The following CNTN5 variants were observed in gnomAD, a reference collection of about 807,000 sequenced individuals.
CNTN5 encodes the protein contactin-5.
In CNTN5, 77 loss-of-function variants were observed where a neutral mutation model predicts 129.1. That is an observed-to-expected ratio of 0.60 (90% CI 0.50 to 0.72). CNTN5 has a LOEUF of 0.72. CNTN5 is among the 30% of genes least tolerant of loss of function. The probability of loss-of-function intolerance (pLI) is 0.00; values close to 1 mark genes in which losing one functional copy is unlikely to be tolerated. For missense variants in CNTN5, 1,478 were observed against 1,328.8 expected (o/e 1.11, Z -1.75); for synonymous variants, 509 against 465.6 (o/e 1.09, Z -1.20).
chr11:100,039,332 A>G (rs1010473921), intron 9 of CNTN5, among the ~76,000 whole-genome samples: 1 of 152,336 alleles, frequency 6.6e-6, no homozygotes, highest in African/African-American at 2.4e-5. Flanking sequence ...TTCTGCCCAG[A>G]GATCAGCTGT....
chr11:99,846,611 C>T (rs1280766026), intron 6 of CNTN5, among the ~76,000 whole-genome samples: 5 of 151,850 alleles, frequency 3.3e-5, no homozygotes, highest in African/African-American at 1.2e-4. Flanking sequence ...ATTGTAGTGG[C>T]TACATAAGAG....
chr11:99,853,851 G>A (rs1947951721), intron 6 of CNTN5, among the ~76,000 whole-genome samples: 1 of 151,956 alleles, frequency 6.6e-6, no homozygotes, highest in African/African-American at 2.4e-5. Flanking sequence ...AAAAAATGAA[G>A]CTGAGGGAAG....
intron 2 of CNTN5, among the ~76,000 whole-genome samples, chr11:99,505,932 C>T (rs941986735): frequency 3.3e-5 from 5 of 152,160 alleles, no homozygotes; most frequent in Non-Finnish European, 5.9e-5. Flanking sequence ...TTGCCAATTC[C>T]GAACTCTGTG....
At chr11:100,049,379 G>A (rs1259789456) in intron 9 of CNTN5, among the ~76,000 whole-genome samples, 1 of 151,726 alleles carries the variant, frequency 6.6e-6, no homozygotes, top group South Asian at 2.1e-4. Flanking sequence ...AAAACAAAAG[G>A]CTGTATTAAA....
At chr11:99,425,315 G>A (rs1316618689) in intron 2 of CNTN5, among the ~76,000 whole-genome samples, 1 of 152,310 alleles carries the variant, frequency 6.6e-6, no homozygotes, top group East Asian at 1.9e-4. Flanking sequence ...GGCTGTTTTT[G>A]TTTTGGAGGT....
At chr11:100,216,516 T>C (rs550315720) in intron 15 of CNTN5, among the ~76,000 whole-genome samples, 1 of 152,140 alleles carries the variant, frequency 6.6e-6, no homozygotes, top group Non-Finnish European at 1.5e-5. Context: ...TATTATAAAT[T>C]ACACATGACT....
chr11:99,047,155 A>G (rs1864245296), intron 1 of CNTN5, among the ~76,000 whole-genome samples: 1 of 152,040 alleles, frequency 6.6e-6, no homozygotes, highest in African/African-American at 2.4e-5. Context: ...AACCAAAACA[A>G]GAAGAATATG....
chr11:100,130,084 A>C (rs909120702), intron 13 of CNTN5, among the ~76,000 whole-genome samples: 5 of 152,178 alleles, frequency 3.3e-5, no homozygotes, highest in Non-Finnish European at 5.9e-5. Context: ...CTCTGTTCTC[A>C]GAAAAAAAGA....
At chr11:99,532,906 T>C (rs559102939) in intron 2 of CNTN5, among the ~76,000 whole-genome samples, 20 of 152,318 alleles carry the variant, frequency 1.3e-4, no homozygotes, top group Non-Finnish European at 2.8e-4. Context: ...GACAATCCAG[T>C]TGATAGATTG....
intron 2 of CNTN5, among the ~76,000 whole-genome samples, chr11:99,459,868 GA>G (rs1944629500): frequency 6.6e-6 from 1 of 151,958 alleles, no homozygotes; most frequent in Admixed American, 6.6e-5. Context: ...GGCAATTAAA[GA>G]AGTAAAAGAA....
At chr11:99,335,378 G>A (rs1314777828) in intron 2 of CNTN5, among the ~76,000 whole-genome samples, 12 of 151,968 alleles carry the variant, frequency 7.9e-5, no homozygotes. Flanking sequence ...CCTATATGGT[G>A]CCCATGCTAA....
intron 8 of CNTN5, among the ~76,000 whole-genome samples, chr11:99,998,900 TG>T (rs1363517820): frequency 6.7e-6 from 1 of 150,316 alleles, no homozygotes; most frequent in Non-Finnish European, 1.5e-5. Context: ...AAACAAGCAA[TG>T]GGGAAAGGAT....
chr11:100,177,138 G>T (rs1353692734), intron 13 of CNTN5, among the ~76,000 whole-genome samples: 2 of 152,010 alleles, frequency 1.3e-5, no homozygotes, highest in African/African-American at 4.8e-5. Context: ...GCAAAGACTA[G>T]AGTTCAGAAA....
chr11:100,094,747 AGGAG>A (rs1243925162), intron 13 of CNTN5, among the ~76,000 whole-genome samples: 4 of 141,810 alleles, frequency 2.8e-5, no homozygotes, highest in Non-Finnish European at 6.2e-5. Context: ...GGAAAGAAGA[AGGAG>A]GGAGGGAGGG....
chr11:99,060,265 T>C (rs764441474), intron 1 of CNTN5, among the ~76,000 whole-genome samples: 1 of 151,878 alleles, frequency 6.6e-6, no homozygotes, highest in Non-Finnish European at 1.5e-5. Context: ...TATCAGAAAA[T>C]CTCAATACCG....
At chr11:100,010,495 C>T (rs866972275) in intron 9 of CNTN5, among the ~76,000 whole-genome samples, 1 of 152,026 alleles carries the variant, frequency 6.6e-6, no homozygotes, top group Non-Finnish European at 1.5e-5. Context: ...TGCTGAGGTG[C>T]CATTCAGGGG....
chr11:99,494,999 CA>C (rs1336086695), intron 2 of CNTN5, among the ~76,000 whole-genome samples: 6 of 152,094 alleles, frequency 3.9e-5, no homozygotes, highest in African/African-American at 1.4e-4. Context: ...TAGATAAAAT[CA>C]AAAACACTAA....
intron 6 of CNTN5, among the ~76,000 whole-genome samples, chr11:99,875,235 C>T (rs1265213180): frequency 6.6e-6 from 1 of 152,114 alleles, no homozygotes; most frequent in African/African-American, 2.4e-5. Flanking sequence ...CTTCATCTCA[C>T]ATACACACGT....
rs186451286 is a variant in CNTN5, at chr11:100,330,429, C to T, written c.2731-10034C>T. ...TTGAGGGAATAATCAAAGATAACTT[C>T]CCAAGCATTCCTAGAACTCTAGACA... On this transcript the variant is annotated intron_variant, in intron 21 of 24. Coordinates refer to ENST00000524871, the MANE Select transcript of CNTN5 (RefSeq NM_014361.4). Among the ~76,000 whole-genome samples the T allele has an allele frequency of 1.4e-4, 21 of 152,260 alleles. 1 individual carries two copies. The highest frequency in any genetic ancestry group is 7.8e-4 in the Admixed American group (12 of 15,288).
Sources: gnomAD v4.1 joint callset for allele counts (sites outside exome capture counted in the v4.1 genomes callset) on GRCh38, gnomAD v4.1.1 for gene constraint, MANE v1.5 for transcripts, NCBI Gene and HGNC (gene_info 2026-07-23, HGNC 2026-07-21) for gene names.